Variants in CDK6 observed in about 807,000 individuals in gnomAD.
CDK6 encodes the protein cyclin-dependent kinase 6.
Under a neutral mutation model 37.1 loss-of-function variants are expected in CDK6, and 6 were observed. That is an observed-to-expected ratio of 0.16 (90% CI 0.09 to 0.32). CDK6 has a LOEUF of 0.32. Among genes scored for constraint, CDK6 ranks in the 10% least tolerant of loss-of-function variants. The pLI, the probability that CDK6 is intolerant of heterozygous loss-of-function variation, is 1.00. For missense variants in CDK6, 224 were observed against 418.9 expected (o/e 0.53, Z 4.06); for synonymous variants, 160 against 161.3 (o/e 0.99, Z 0.06).
rs1485226971 is a variant in CDK6, at chr7:92,606,064, A to G, written c.*9076T>C. On this transcript the variant is annotated 3_prime_UTR_variant, in exon 8 of 8. Transcript: ENST00000424848. ...TAAGAATAATTATGCACCTTTAAGG[A>G]ACATGCACCCTTATAAGTCTGTACC... 1.3e-5 allele frequency: 3 copies of G among 233,554 alleles called. No homozygotes were observed. The highest frequency in any genetic ancestry group is 2.5e-5 in the Non-Finnish European group (3 of 118,032). 14.5% of individuals were successfully genotyped at this position (233,554 alleles called of 1,614,324 possible).
intron 6 of CDK6, among the ~76,000 whole-genome samples, chr7:92,622,314 T>C (rs536439254): frequency 1.3e-5 from 2 of 152,254 alleles, no homozygotes; most frequent in East Asian, 3.9e-4. Flanking sequence ...ACCAAAGAAT[T>C]TGAGCACAAG....
intron 2 of CDK6, among the ~76,000 whole-genome samples, chr7:92,775,265 T>A (rs1359417168): frequency 6.6e-6 from 1 of 152,246 alleles, no homozygotes; most frequent in Non-Finnish European, 1.5e-5. Context: ...ATCAAGATTT[T>A]CCTGGAATTT....
At chr7:92,773,959 C>T (rs1174273980) in intron 3 of CDK6, among the ~76,000 whole-genome samples, 3 of 152,048 alleles carry the variant, frequency 2.0e-5, no homozygotes, top group African/African-American at 7.2e-5. Flanking sequence ...CATGAAGACC[C>T]GCACATGATG....
chr7:92,799,033 C>T (rs1800494281), intron 2 of CDK6, among the ~76,000 whole-genome samples: 1 of 152,118 alleles, frequency 6.6e-6, no homozygotes, highest in Non-Finnish European at 1.5e-5. Flanking sequence ...AAGTGTTCCC[C>T]TCCTGGCTCC....
In CDK6 at chr7:92,658,499, T is replaced by A. The variant is rs143267947; in HGVS notation, c.647+12927A>T. On this transcript the variant is annotated intron_variant, in intron 5 of 7. Coordinates refer to ENST00000424848, the MANE Select transcript of CDK6 (RefSeq NM_001145306.2). ...CGAATAAGCAATGTACAGAAGAGTA[T>A]CGGGTAAGCCCATTTCTGTGAGAAA... is the stretch of plus-strand genomic sequence containing the variant. Among the ~76,000 whole-genome samples, 406 of 152,316 alleles carry A rather than the reference T, an allele frequency of 2.7e-3. 2 individuals are homozygous for A. The highest frequency in any genetic ancestry group is 9.5e-3 in the African/African-American group (395 of 41,572).
At chr7:92,681,280 T>C (rs531454196) in intron 4 of CDK6, among the ~76,000 whole-genome samples, 38 of 152,004 alleles carry the variant, frequency 2.5e-4, no homozygotes, top group African/African-American at 8.9e-4. Context: ...TCCCTCCAAG[T>C]AGAGAGGAAA....
intron 4 of CDK6, among the ~76,000 whole-genome samples, chr7:92,689,927 C>T (rs760453912): frequency 4.6e-5 from 7 of 152,068 alleles, no homozygotes; most frequent in Non-Finnish European, 8.8e-5. Flanking sequence ...TGTACGTCTT[C>T]TTTTGAAAAG....
chr7:92,698,824 G>A (rs1797777983), intron 4 of CDK6, among the ~76,000 whole-genome samples: 1 of 152,136 alleles, frequency 6.6e-6, no homozygotes, highest in Admixed American at 6.5e-5. Context: ...CTTTTAATTA[G>A]TCAACTTGTG....
intron 2 of CDK6, among the ~76,000 whole-genome samples, chr7:92,810,811 G>A (rs996181461): frequency 6.6e-6 from 1 of 152,118 alleles, no homozygotes; most frequent in South Asian, 2.1e-4. Flanking sequence ...AGTGGCTCAC[G>A]CCTGTAATCC....
intron 2 of CDK6, among the ~76,000 whole-genome samples, chr7:92,821,621 T>G (rs1483353286): frequency 6.6e-6 from 1 of 151,886 alleles, no homozygotes; most frequent in Non-Finnish European, 1.5e-5. Context: ...AACACCACAA[T>G]TTTTTTTCTT....
chr7:92,718,543 T>G (rs1798286738), intron 4 of CDK6, among the ~76,000 whole-genome samples: 1 of 152,186 alleles, frequency 6.6e-6, no homozygotes, highest in African/African-American at 2.4e-5. Flanking sequence ...CCTGCTTCAC[T>G]TTGTCACTTG....
intron 5 of CDK6, among the ~76,000 whole-genome samples, chr7:92,652,604 A>G (rs1270935831): frequency 6.6e-6 from 1 of 152,228 alleles, no homozygotes; most frequent in Non-Finnish European, 1.5e-5. Flanking sequence ...CTAATAATTC[A>G]TAATGAAATT....
At chr7:92,708,027 C>A (rs369794736) in intron 4 of CDK6, among the ~76,000 whole-genome samples, 49 of 152,068 alleles carry the variant, frequency 3.2e-4, no homozygotes, top group Admixed American at 2.6e-3. Context: ...ACTTGTTATT[C>A]TTTAGGAATA....
At chr7:92,648,572 T>C (rs1019754466) in intron 5 of CDK6, among the ~76,000 whole-genome samples, 2 of 152,220 alleles carry the variant, frequency 1.3e-5, no homozygotes, top group African/African-American at 4.8e-5. Flanking sequence ...ACTAACCTTA[T>C]AGAACTTACC....
chr7:92,730,899 A>G (rs1585437167), intron 3 of CDK6, among the ~76,000 whole-genome samples: 1 of 152,176 alleles, frequency 6.6e-6, no homozygotes, highest in East Asian at 1.9e-4. Flanking sequence ...ATATATACTC[A>G]GAAGTGGAAT....
rs572955179 is a variant in CDK6, at chr7:92,782,456, T to C, written c.234-7625A>G. On this transcript the variant is annotated intron_variant, in intron 2 of 7. Transcript: ENST00000424848. ...CCCACGGATGGCATGTGAACAACCC[T>C]GGATTGAGTGATGATGAATGATTCA... Among the ~76,000 whole-genome samples, 231 of 152,268 alleles carry C rather than the reference T, an allele frequency of 1.5e-3. 2 individuals carry two copies. The highest frequency in any genetic ancestry group is 5.1e-3 in the African/African-American group (211 of 41,552).
Position 92,671,500 on chromosome 7 carries a change from C to A in CDK6, c.573G>T (p.Leu191Phe). The A allele has an allele frequency of 6.3e-7, 1 of 1,586,118 alleles. No individual in the cohort carries two copies. Among genetic ancestry groups the A allele is most frequent in the Non-Finnish European group, 8.6e-7 (1 of 1,166,186 alleles). The change falls in exon 5 of 8, where the codon TTG becomes TTT. Residue 191 changes from leucine (L) to phenylalanine (F), a missense_variant. By Grantham distance (22) the Leu-to-Phe change is conservative. Transcript: ENST00000424848. ...VTLWYRAPEV[L>F]LQSSYATPVD... ...CGGGGGTGGCGTAGCTGGACTGGAG[C>A]AAGACTTCGGGTGCTCTGTACCACA...
intron 5 of CDK6, among the ~76,000 whole-genome samples, chr7:92,653,781 T>C (rs998574514): frequency 3.3e-5 from 5 of 152,130 alleles, no homozygotes; most frequent in African/African-American, 1.2e-4. Flanking sequence ...CCTTTCTCTT[T>C]TCGTATTTAG....
At position 92,606,607 on chromosome 7, in the gene CDK6, A is replaced by G; in HGVS notation, c.*8533T>C. 4.3e-6 allele frequency: 1 copy of G among 232,376 alleles called. No homozygotes were observed. The highest frequency in any genetic ancestry group is 8.5e-6 in the Non-Finnish European group (1 of 117,978). 14.4% of individuals were successfully genotyped at this position (232,376 alleles called of 1,614,324 possible). On this transcript the variant is annotated 3_prime_UTR_variant, in exon 8 of 8. Coordinates refer to ENST00000424848, the MANE Select transcript of CDK6 (RefSeq NM_001145306.2). ...TTTCTAGAACCATGATTTCAAACAC[A>G]GAAACTAACAAGTCAAATTTCCAAA... is the stretch of plus-strand genomic sequence containing the variant.
Sources: gnomAD v4.1 joint callset for allele counts (sites outside exome capture counted in the v4.1 genomes callset) on GRCh38, gnomAD v4.1.1 for gene constraint, MANE v1.5 for transcripts, NCBI Gene and HGNC (gene_info 2026-07-23, HGNC 2026-07-21) for gene names.